LRRC75A: variants seen among roughly 807,000 people sequenced by gnomAD.
The protein encoded by LRRC75A is leucine rich repeat containing 75A.
LRRC75A carries 12 observed loss-of-function variants against 26.0 expected under a neutral mutation model. That is an observed-to-expected ratio of 0.46 (90% CI 0.30 to 0.75). The LOEUF is 0.75. Among genes scored for constraint, LRRC75A ranks in the 30% least tolerant of loss-of-function variants. The pLI is 0.08. For synonymous variants in LRRC75A, 223 were observed against 219.3 expected (o/e 1.02, Z -0.15); for missense variants, 410 against 486.6 (o/e 0.84, Z 1.48).
chr17:16,443,975 G>A lies in LRRC75A; in HGVS notation c.648C>T (p.Asp216=), dbSNP rs138838324. The change falls in exon 4 of 4, where the codon GAC becomes GAT. Residue 216 remains aspartate (D), a synonymous_variant. Coordinates refer to ENST00000470794, the MANE Select transcript of LRRC75A (RefSeq NM_001113567.3). ...SVELGFTGLT[D]DMVLQLLPAL... ...CTGGCAGCAGCTGCAGGACCATGTC[G>A]TCCGTGAGGCCTGTGAAGCCCAGCT... The A allele has an allele frequency of 4.8e-5, 77 of 1,613,708 alleles. No homozygotes were observed. The Middle Eastern group carries it at 9.9e-4, about 21-fold the overall frequency.
At position 16,462,694 on chromosome 17, in the gene LRRC75A, G is replaced by A. The variant is rs2093737356; in HGVS notation, c.247-308C>T. ...GGTTTTCCAGAGGAGGAAGCCAAGG[G>A]TGGCCTGCCTCGGTGCAAGCAGCTG... On this transcript the variant is annotated intron_variant, in intron 1 of 3. Coordinates refer to ENST00000470794, the MANE Select transcript of LRRC75A (RefSeq NM_001113567.3). The surrounding 1 kb of genome is among the most constrained non-coding windows in gnomAD (Gnocchi z 4.6). 5.8e-6 allele frequency: 2 copies of A among 343,348 alleles called. No individual in the cohort carries two copies. Among genetic ancestry groups the A allele is most frequent in the Non-Finnish European group, 5.3e-6 (1 of 187,418 alleles). The allele number at this position is 343,348 out of a possible 1,614,324, so 21.3% of individuals were successfully genotyped here.
chr17:16,444,046 C>G lies in LRRC75A; in HGVS notation c.577G>C (p.Val193Leu). 2.5e-6 allele frequency: 4 copies of G among 1,613,514 alleles called. No individual in the cohort carries two copies. Among genetic ancestry groups the G allele is most frequent in the Non-Finnish European group, 3.4e-6 (4 of 1,179,734 alleles). The change falls in exon 4 of 4, where the codon GTG becomes CTG. Residue 193 changes from valine to leucine, a missense_variant. Transcript: ENST00000470794. The stretch of plus-strand genomic sequence containing the variant: ...CCACAGCGCTGTAGGTAGCTGGTCA[C>G]CCGCTCCAGGTCTCGGGAGGTCAGT... ...IPLTSRDLER[V>L]TSYLQRCGEQ... is the part of the protein sequence containing the mutation.
intron 3 of LRRC75A, chr17:16,446,917 CATCT>C (rs1340933970): frequency 5.6e-6 from 2 of 360,028 alleles, no homozygotes; most frequent in Admixed American, 7.1e-5. Flanking sequence ...CTCCAGGATC[CATCT>C]CCTAGTTGTG....
chr17:16,476,367 CA>C (rs1175089924), intron 1 of LRRC75A, among the ~76,000 whole-genome samples: 89 of 144,648 alleles, frequency 6.2e-4, no homozygotes, highest in East Asian at 1.2e-3. Flanking sequence ...GACTCTGTCT[CA>C]AAAAAAAAAA....
intron 1 of LRRC75A, among the ~76,000 whole-genome samples, chr17:16,471,205 A>G (rs1027212029): frequency 6.6e-6 from 1 of 152,248 alleles, no homozygotes; most frequent in Admixed American, 6.5e-5. Context: ...AGGTGGAGGC[A>G]GAGAAGGGAG....
At chr17:16,456,279 A>G (rs1444735180) in intron 2 of LRRC75A, among the ~76,000 whole-genome samples, 5 of 107,552 alleles carry the variant, frequency 4.6e-5, no homozygotes, top group Admixed American at 1.9e-4. Context: ...AGGAGGAGGA[A>G]GAGGAGGAGG....
At position 16,456,235 on chromosome 17, in the gene LRRC75A, AAGGAGG is replaced by A. The variant is rs769706022; in HGVS notation, c.375+6017_375+6022del. On this transcript the variant is annotated intron_variant, in intron 2 of 3. Coordinates refer to ENST00000470794, the MANE Select transcript of LRRC75A (RefSeq NM_001113567.3). ...GAGGAAGAGGAGGAAGAAGAGGAGA[AAGGAGG>A]AGAAGAAGGAAGAGGATCAGGAAGA... 1.8e-5 allele frequency among the ~76,000 whole-genome samples: 2 copies of A among 111,464 alleles called. 1 individual carries two copies. The highest frequency in any genetic ancestry group is 3.7e-5 in the Non-Finnish European group (2 of 54,140). The allele number at this position is 111,464 out of a possible 152,430, so 73.1% of individuals were successfully genotyped here.
chr17:16,449,956 G>A (rs1236950910), intron 2 of LRRC75A, among the ~76,000 whole-genome samples: 1 of 152,218 alleles, frequency 6.6e-6, no homozygotes, highest in Non-Finnish European at 1.5e-5. Context: ...AGTGATTTCA[G>A]ATGGAGAAAG....
intron 1 of LRRC75A, chr17:16,464,020 G>A (rs1299552473): frequency 1.3e-5 from 2 of 152,278 alleles, no homozygotes; most frequent in African/African-American, 4.8e-5. Flanking sequence ...GCCTGGGGGT[G>A]GGAGGAGCCT....
intron 1 of LRRC75A, among the ~76,000 whole-genome samples, chr17:16,479,202 C>T (rs1312192038): frequency 1.3e-5 from 2 of 152,214 alleles, no homozygotes; most frequent in African/African-American, 2.4e-5. Context: ...GTGGCCTGTG[C>T]AGGGTCATAC....
intron 1 of LRRC75A, among the ~76,000 whole-genome samples, chr17:16,474,432 C>T (rs1386048035): frequency 5.9e-5 from 9 of 152,152 alleles, no homozygotes; most frequent in African/African-American, 2.2e-4. Flanking sequence ...GCAGTATTTC[C>T]CAGATTTATT....
intron 1 of LRRC75A, among the ~76,000 whole-genome samples, chr17:16,479,639 A>T (rs1481147632): frequency 6.6e-6 from 1 of 152,232 alleles, no homozygotes; most frequent in African/African-American, 2.4e-5. Flanking sequence ...TCAGTCACTG[A>T]ATGGCCTCTA....
chr17:16,480,416 G>C (rs2093830869), intron 1 of LRRC75A, among the ~76,000 whole-genome samples: 1 of 152,002 alleles, frequency 6.6e-6, no homozygotes, highest in Non-Finnish European at 1.5e-5. Flanking sequence ...GAATGCCTGA[G>C]CTCAGGAGTT....
At chr17:16,477,807 C>T (rs770231075) in intron 1 of LRRC75A, among the ~76,000 whole-genome samples, 4 of 151,702 alleles carry the variant, frequency 2.6e-5, no homozygotes, top group Non-Finnish European at 4.4e-5. Flanking sequence ...GCGAGGCTTC[C>T]GGGCTGCAGA....
intron 2 of LRRC75A, among the ~76,000 whole-genome samples, chr17:16,460,097 T>C (rs1486670375): frequency 2.6e-5 from 4 of 152,044 alleles, no homozygotes; most frequent in Non-Finnish European, 1.5e-5. Context: ...GCTCTCACAA[T>C]GGGATTCCTG....
chr17:16,479,420 T>G (rs1273208846), intron 1 of LRRC75A, among the ~76,000 whole-genome samples: 1 of 152,208 alleles, frequency 6.6e-6, no homozygotes, highest in Admixed American at 6.5e-5. Context: ...TTCTGTGTGG[T>G]CTCACCAAGG....
intron 1 of LRRC75A, among the ~76,000 whole-genome samples, chr17:16,476,732 A>AT (rs1170298700): frequency 0.015 from 1,129 of 75,506 alleles, 23 homozygotes; most frequent in African/African-American, 0.032. Context: ...TGCCTGGCTG[A>AT]TTTTTTTTTT....
intron 1 of LRRC75A, among the ~76,000 whole-genome samples, chr17:16,482,818 G>A (rs2093837701): frequency 6.6e-6 from 1 of 152,240 alleles, no homozygotes; most frequent in Admixed American, 6.5e-5. Flanking sequence ...GTCCCAACTG[G>A]TGCCAGCTCC....
intron 1 of LRRC75A, among the ~76,000 whole-genome samples, chr17:16,482,265 G>A (rs1207095194): frequency 6.6e-6 from 1 of 152,190 alleles, no homozygotes; most frequent in African/African-American, 2.4e-5. Flanking sequence ...GGTGCTGGGT[G>A]TCCTTCAGTG....
Sources: allele counts gnomAD v4.1 joint callset (sites outside exome capture counted in the v4.1 genomes callset), GRCh38; gene constraint gnomAD v4.1.1; non-coding constraint Gnocchi (gnomAD v3.1); transcripts MANE v1.5; gene names NCBI Gene and HGNC (gene_info 2026-07-23, HGNC 2026-07-21).